ANKRD36: variants seen among roughly 807,000 people sequenced by gnomAD.
The protein encoded by ANKRD36 is ankyrin repeat domain 36, also known as ankyrin repeat domain-containing protein 36A.
Under a neutral mutation model 278.1 loss-of-function variants are expected in ANKRD36, and 179 were observed. The ratio of observed to expected loss-of-function variants is 0.64; its 90% CI spans 0.57 to 0.73. The LOEUF (loss-of-function observed/expected upper bound fraction) is 0.73. ANKRD36 is among the 30% of genes least tolerant of loss of function. ANKRD36 has a pLI of 0.00. For missense variants in ANKRD36, 1,159 were observed against 1,956.7 expected (o/e 0.59, Z 7.69); for synonymous variants, 320 against 641.1 (o/e 0.50, Z 7.57).
Position 97,192,971 on chromosome 2 carries a change from T to C in ANKRD36, c.2377-10T>C. 6.3e-7 allele frequency: 1 copy of C among 1,584,572 alleles called. No homozygotes were observed. Among genetic ancestry groups the C allele is most frequent in the Non-Finnish European group, 8.6e-7 (1 of 1,165,592 alleles). ...TATTAATTTATTATTTCATTTGAAA[T>C]TCCATTCAGGCTACAAGTGACGAGG... On this transcript the variant is annotated splice_polypyrimidine_tract_variant and intron_variant, in intron 37 of 75. Transcript: ENST00000420699.
intron 17 of ANKRD36, among the ~76,000 whole-genome samples, chr2:97,158,901 T>G (rs1472653335): frequency 6.6e-6 from 1 of 152,060 alleles, no homozygotes; most frequent in African/African-American, 2.4e-5. Context: ...GGGAAATGTA[T>G]GCATGGGACT....
At chr2:97,118,797 ATAGT>A (rs2036220057) in intron 3 of ANKRD36, 1 of 133,106 alleles carries the variant, frequency 7.5e-6, no homozygotes, top group Non-Finnish European at 1.4e-5. Flanking sequence ...GGGAAAGGTA[ATAGT>A]TAAGTGTTTT....
rs116630807 is a variant in ANKRD36 at position 97,205,983 on chromosome 2, A to C, written c.3090+15A>C. The C allele has an allele frequency of 7.1e-4, 1,101 of 1,553,012 alleles. 11 individuals carry two copies. The African/African-American group carries it at 0.013, about 19-fold the overall frequency. On this transcript the variant is annotated intron_variant, in intron 51 of 75. Coordinates refer to ENST00000420699, the MANE Select transcript of ANKRD36 (RefSeq NM_001354587.1). Reference sequence around the variant, plus strand: ...CAACCTTGAAGGTAATGAAACTCCCATTTATATTGTGAACGAGTTAATATA... The same window carrying C: ...CAACCTTGAAGGTAATGAAACTCCCCTTTATATTGTGAACGAGTTAATATA...
In ANKRD36 at chr2:97,152,582, G is replaced by C. The variant is rs1489542210; in HGVS notation, c.1193+48G>C. 4.2e-6 allele frequency: 6 copies of C among 1,422,354 alleles called. 1 individual carries two copies. The highest frequency in any genetic ancestry group is 5.7e-6 in the Non-Finnish European group (6 of 1,048,572). 88.1% of individuals were successfully genotyped at this position (1,422,354 alleles called of 1,614,324 possible). On this transcript the variant is annotated intron_variant, in intron 14 of 75. Coordinates refer to ENST00000420699, the MANE Select transcript of ANKRD36 (RefSeq NM_001354587.1). ...AAGTGATATGTTAACTAAGTGAATA[G>C]AGAGAAGAGAAACTAGTATTTGTTT... is the stretch of plus-strand genomic sequence containing the variant.
At chr2:97,197,861 G>A (rs545945500) in intron 42 of ANKRD36, among the ~76,000 whole-genome samples, 12 of 151,976 alleles carry the variant, frequency 7.9e-5, no homozygotes, top group Non-Finnish European at 1.3e-4. Context: ...AAAAAACTTA[G>A]GCAGATTATT....
chr2:97,217,423 A>G, intron 64 of ANKRD36, 51 bp downstream of exon 64: 2 of 1,548,342 alleles, frequency 1.3e-6, no homozygotes, highest in South Asian at 1.2e-5. Flanking sequence ...ATAGAAGACA[A>G]CATCCCACCC....
rs573546857 is a variant in ANKRD36, at chr2:97,192,862, T to A, written c.2352T>A (p.Ser784=). Residue 784 remains serine (S), a synonymous_variant, in exon 37 of 76, where the codon TCT becomes TCA. Coordinates refer to ENST00000420699, the MANE Select transcript of ANKRD36 (RefSeq NM_001354587.1). ...IKDGEKSGTV[S]SQKPPALTAT... is the part of the protein sequence containing the mutation. Reference sequence around the variant, plus strand: ...TGTATCCCTTTTGCTTTTCAGTGTCTTCTCAGAAACCACCAGCCTTGACGG... The same window carrying A: ...TGTATCCCTTTTGCTTTTCAGTGTCATCTCAGAAACCACCAGCCTTGACGG... 1 of 1,603,620 alleles carries A rather than the reference T, an allele frequency of 6.2e-7. No individual in the cohort carries two copies. Among genetic ancestry groups the A allele is most frequent in the South Asian group, 1.1e-5 (1 of 90,728 alleles).
chr2:97,181,781 C>A lies in ANKRD36; in HGVS notation c.1825C>A (p.Gln609Lys), dbSNP rs926291483. 2 of 1,608,746 alleles carry A rather than the reference C, an allele frequency of 1.2e-6. No homozygotes were observed. The highest frequency in any genetic ancestry group is 3.4e-5 in the Admixed American group (2 of 59,582). Reference sequence around the variant, plus strand: ...AGCCACAGAAATAAAGAAGGGACAACAATCTGGGACAGGTAATTTTGCAAA... The same window carrying A: ...AGCCACAGAAATAAAGAAGGGACAAAAATCTGGGACAGGTAATTTTGCAAA... Reference protein sequence around the residue: ...NIATEIKKGQQSGTVSPQKQS... With the variant: ...NIATEIKKGQKSGTVSPQKQS... Residue 609 changes from glutamine (Q) to lysine (K), a missense_variant, in exon 26 of 76, where the codon CAA becomes AAA. Transcript: ENST00000420699.
At chr2:97,115,675 G>A (rs1404405497) in intron 1 of ANKRD36, among the ~76,000 whole-genome samples, 1 of 149,838 alleles carries the variant, frequency 6.7e-6, no homozygotes, top group African/African-American at 2.5e-5. Context: ...TGAGGGTAAA[G>A]GGTAGCAGTA....
chr2:97,211,477 C>A (rs1250908417), intron 56 of ANKRD36, 69 bp from the exon 57 acceptor site: 12 of 1,576,588 alleles, frequency 7.6e-6, no homozygotes, highest in African/African-American at 5.4e-5. Flanking sequence ...GATGCTAACA[C>A]TGTATGAATG....
chr2:97,231,734 G>T (rs1344333338), intron 67 of ANKRD36, among the ~76,000 whole-genome samples: 2 of 152,112 alleles, frequency 1.3e-5, no homozygotes, highest in Non-Finnish European at 2.9e-5. Context: ...CGTCGCTCAC[G>T]CTGGGAGCTG....
intron 48 of ANKRD36, among the ~76,000 whole-genome samples, chr2:97,203,807 T>C (rs1375658775): frequency 6.6e-6 from 1 of 151,808 alleles, no homozygotes; most frequent in Middle Eastern, 3.2e-3. Context: ...TCCACATTGA[T>C]ATTGACACGG....
At position 97,205,913 on chromosome 2, in the gene ANKRD36, T is replaced by G. The variant is rs1293587344; in HGVS notation, c.3062-27T>G. The G allele has an allele frequency of 1.9e-6, 3 of 1,540,924 alleles. No homozygotes were observed. The East Asian group carries it at 7.2e-5, about 37-fold the overall frequency. On this transcript the variant is annotated intron_variant, in intron 50 of 75. Coordinates refer to ENST00000420699, the MANE Select transcript of ANKRD36 (RefSeq NM_001354587.1). ...TATCTTTATCATATTTACATATGAC[T>G]GATTATGAATCACTTTTGCTTTTCA...
At chr2:97,263,129 A>G (rs1340479517) in intron 75 of ANKRD36, among the ~76,000 whole-genome samples, 2 of 132,378 alleles carry the variant, frequency 1.5e-5, no homozygotes, top group Non-Finnish European at 3.1e-5. Context: ...GAAGTCAGGA[A>G]GATGAGGAAA....
In ANKRD36 at chr2:97,230,347, T is replaced by G. The variant is rs1228210666; in HGVS notation, c.3952-3383T>G. ...AGGCTTTGTTTGTTTCTTTTCATTC[T>G]TTTTTCTCTCAACTTCCCTTCTCGT... On this transcript the variant is annotated intron_variant, in intron 67 of 75. Coordinates refer to ENST00000420699, the MANE Select transcript of ANKRD36 (RefSeq NM_001354587.1). Among the ~76,000 whole-genome samples, 6 of 152,170 alleles carry G rather than the reference T, an allele frequency of 3.9e-5. 2 individuals are homozygous for G. The East Asian group carries it at 1.2e-3, about 30-fold the overall frequency.
At chr2:97,211,911 C>A (rs556231809) in intron 58 of ANKRD36, among the ~76,000 whole-genome samples, 170 bp downstream of exon 58, 17 of 151,916 alleles carry the variant, frequency 1.1e-4, no homozygotes, top group African/African-American at 4.1e-4. Flanking sequence ...TGGTCCTTGG[C>A]CATGATGGAA....
intron 66 of ANKRD36, 28 bp from the exon 67 acceptor site, chr2:97,224,778 A>G (rs2068888651): frequency 3.6e-6 from 4 of 1,120,066 alleles, no homozygotes; most frequent in Non-Finnish European, 3.5e-6. Context: ...TGTGTAGCTC[A>G]TTTTAACTAA....
intron 56 of ANKRD36, 111 bp from the exon 57 acceptor site, chr2:97,211,435 C>A: frequency 6.7e-7 from 1 of 1,493,452 alleles, no homozygotes; most frequent in Non-Finnish European, 9.1e-7. Flanking sequence ...GCCGTCAAGG[C>A]CTACACTAAT....
intron 22 of ANKRD36, among the ~76,000 whole-genome samples, chr2:97,175,470 A>G (rs1575351810): frequency 6.6e-6 from 1 of 151,674 alleles, no homozygotes; most frequent in African/African-American, 2.4e-5. Flanking sequence ...CGGTGGTGAT[A>G]TCCCCTTTAT....
Sources: gnomAD v4.1 joint callset for allele counts (sites outside exome capture counted in the v4.1 genomes callset) on GRCh38, gnomAD v4.1.1 for gene constraint, MANE v1.5 for transcripts, NCBI Gene and HGNC (gene_info 2026-07-23, HGNC 2026-07-21) for gene names.